Variants in NYAP2 observed in about 807,000 individuals in gnomAD.
NYAP2 encodes neuronal tyrosine-phosphorylated phosphoinositide-3-kinase adapter 2.
NYAP2 carries 23 observed loss-of-function variants against 50.4 expected under a neutral mutation model. That is an observed-to-expected ratio of 0.46 (90% CI 0.33 to 0.65). NYAP2 has a LOEUF of 0.65. Among genes scored for constraint, NYAP2 ranks in the 30% least tolerant of loss-of-function variants. NYAP2 has a pLI of 0.02. For missense variants in NYAP2, 885 were observed against 861.0 expected (o/e 1.03, Z -0.35); for synonymous variants, 394 against 365.2 (o/e 1.08, Z -0.90).
At chr2:225,617,423 C>G (rs1693007925) in intron 5 of NYAP2, among the ~76,000 whole-genome samples, 1 of 151,202 alleles carries the variant, frequency 6.6e-6, no homozygotes, top group Non-Finnish European at 1.5e-5. Flanking sequence ...GAGTGAAACT[C>G]TATCAAAAAA....
intron 5 of NYAP2, among the ~76,000 whole-genome samples, chr2:225,588,237 C>T (rs951322311): frequency 5.3e-5 from 8 of 151,940 alleles, no homozygotes; most frequent in African/African-American, 1.9e-4. Context: ...GTATTTAATT[C>T]TTTTAGATGT....
intron 4 of NYAP2, among the ~76,000 whole-genome samples, chr2:225,535,679 G>A (rs1474129856): frequency 6.6e-6 from 1 of 152,200 alleles, no homozygotes; most frequent in African/African-American, 2.4e-5. Context: ...TCCCTATTGA[G>A]TATAGACGTA....
intron 3 of NYAP2, among the ~76,000 whole-genome samples, chr2:225,427,897 T>C (rs887937303): frequency 6.6e-6 from 1 of 152,104 alleles, no homozygotes; most frequent in Non-Finnish European, 1.5e-5. Context: ...AGCATTTTAT[T>C]CCAAAACAAA....
chr2:225,526,255 C>A (rs945828161), intron 4 of NYAP2, among the ~76,000 whole-genome samples: 8 of 152,084 alleles, frequency 5.3e-5, no homozygotes, highest in Admixed American at 3.3e-4. Context: ...AAGCAGCAAT[C>A]AAAAAATAAT....
At chr2:225,424,132 C>G (rs1695253990) in intron 3 of NYAP2, among the ~76,000 whole-genome samples, 1 of 152,080 alleles carries the variant, frequency 6.6e-6, no homozygotes, top group Non-Finnish European at 1.5e-5. Context: ...AAGAGAGTCT[C>G]TCTCAACTCT....
chr2:225,618,911 T>C (rs1198750478), intron 5 of NYAP2, among the ~76,000 whole-genome samples: 1 of 152,110 alleles, frequency 6.6e-6, no homozygotes. Flanking sequence ...AATAGAGCCA[T>C]GATGTTGGTT....
intron 3 of NYAP2, among the ~76,000 whole-genome samples, chr2:225,490,295 A>G (rs1189686713): frequency 6.6e-6 from 1 of 152,106 alleles, no homozygotes; most frequent in Non-Finnish European, 1.5e-5. Flanking sequence ...TATTGTCCCA[A>G]AGGTATTCCT....
At chr2:225,538,962 A>G (rs561557677) in intron 4 of NYAP2, among the ~76,000 whole-genome samples, 3 of 151,802 alleles carry the variant, frequency 2.0e-5, no homozygotes, top group Non-Finnish European at 4.4e-5. Flanking sequence ...CGTCATCTAC[A>G]TTAGATATTT....
chr2:225,665,129 T>G, the NYAP2 span, among the ~76,000 whole-genome samples: 1 of 152,190 alleles, frequency 6.6e-6, no homozygotes, highest in Non-Finnish European at 1.5e-5. Context: ...TCTCCATACA[T>G]TTTACTTAAC....
At chr2:225,536,913 G>A (rs1411796362) in intron 4 of NYAP2, among the ~76,000 whole-genome samples, 3 of 151,818 alleles carry the variant, frequency 2.0e-5, no homozygotes, top group East Asian at 3.9e-4. Flanking sequence ...CGAATAGCTG[G>A]GACTACAAGT....
At chr2:225,617,501 A>G (rs1440795898) in intron 5 of NYAP2, among the ~76,000 whole-genome samples, 1 of 152,218 alleles carries the variant, frequency 6.6e-6, no homozygotes. Context: ...AAATCATCTG[A>G]GTCATCTACA....
intron 3 of NYAP2, among the ~76,000 whole-genome samples, chr2:225,512,670 T>G (rs2106184931): frequency 6.6e-6 from 1 of 151,602 alleles, no homozygotes. Flanking sequence ...CCATCTTTCT[T>G]TGCTTGTCTT....
At chr2:225,648,295 C>T (rs1032123072) in intron 6 of NYAP2, among the ~76,000 whole-genome samples, 5 of 152,172 alleles carry the variant, frequency 3.3e-5, no homozygotes, top group South Asian at 2.1e-4. Flanking sequence ...CCACTGCACC[C>T]GGCCCAAATA....
the NYAP2 span, among the ~76,000 whole-genome samples, chr2:225,681,706 C>A: frequency 6.6e-6 from 1 of 152,188 alleles, no homozygotes; most frequent in Non-Finnish European, 1.5e-5. Flanking sequence ...CATTTATGCA[C>A]AACCTCAATT....
At chr2:225,682,434 T>C in the NYAP2 span, among the ~76,000 whole-genome samples, 7 of 152,268 alleles carry the variant, frequency 4.6e-5, no homozygotes, top group Admixed American at 1.3e-4. Flanking sequence ...TCAACTCCAA[T>C]TGAACACTTC....
intron 3 of NYAP2, among the ~76,000 whole-genome samples, chr2:225,488,887 A>G (rs2106169581): frequency 6.6e-6 from 1 of 152,306 alleles, no homozygotes; most frequent in South Asian, 2.1e-4. Context: ...TAATATTGAA[A>G]TAGGGACTTC....
intron 3 of NYAP2, among the ~76,000 whole-genome samples, chr2:225,479,282 T>C (rs1690167908): frequency 6.6e-6 from 1 of 152,180 alleles, no homozygotes; most frequent in Admixed American, 6.5e-5. Context: ...ATAATTTGCA[T>C]GAGAAATTCT....
intron 4 of NYAP2, among the ~76,000 whole-genome samples, chr2:225,529,375 G>T (rs2106196026): frequency 6.6e-6 from 1 of 152,246 alleles, no homozygotes; most frequent in Middle Eastern, 3.4e-3. Flanking sequence ...CCAGGCTGGA[G>T]TGAAGTGGCA....
chr2:225,673,982 A>G, the NYAP2 span, among the ~76,000 whole-genome samples: 5 of 150,816 alleles, frequency 3.3e-5, 1 homozygote, highest in African/African-American at 1.2e-4. Flanking sequence ...ACTGTAGCTC[A>G]CAAATTTCCC....
Sources: gnomAD v4.1 joint callset for allele counts (sites outside exome capture counted in the v4.1 genomes callset) on GRCh38, gnomAD v4.1.1 for gene constraint, MANE v1.5 for transcripts, NCBI Gene and HGNC (gene_info 2026-07-23, HGNC 2026-07-21) for gene names.